APBB2: variants seen among roughly 807,000 people sequenced by gnomAD.
APBB2 encodes Fe65-like 1.
A neutral mutation model predicts 82.5 loss-of-function variants in APBB2; 38 were observed. The ratio of observed to expected loss-of-function variants is 0.46; its 90% CI spans 0.36 to 0.60. APBB2 has a LOEUF of 0.60. Among genes scored for constraint, APBB2 ranks in the 20% least tolerant of loss-of-function variants. The probability of loss-of-function intolerance (pLI) is 0.00; values close to 1 mark genes in which losing one functional copy is unlikely to be tolerated. For synonymous variants in APBB2, 341 were observed against 368.2 expected, an observed-to-expected ratio of 0.93 and a Z score of 0.85; for missense variants, 772 against 972.3, an observed-to-expected ratio of 0.79 and a Z score of 2.74.
intron 4 of APBB2, among the ~76,000 whole-genome samples, chr4:41,040,957 T>G (rs1343568234): frequency 6.6e-6 from 1 of 152,200 alleles, no homozygotes; most frequent in African/African-American, 2.4e-5. Flanking sequence ...CTCGGCTCAC[T>G]GCAAGCTCCG....
intron 6 of APBB2, among the ~76,000 whole-genome samples, chr4:40,998,101 A>C (rs1804153071): frequency 1.3e-5 from 2 of 152,236 alleles, no homozygotes; most frequent in Non-Finnish European, 2.9e-5. Flanking sequence ...AACTGACACT[A>C]TTTGTTGGCA....
chr4:41,041,975 T>C (rs1229949386), intron 4 of APBB2, among the ~76,000 whole-genome samples: 6 of 152,130 alleles, frequency 3.9e-5, no homozygotes, highest in Non-Finnish European at 8.8e-5. Context: ...CCCACAAATA[T>C]ACCTGATCTC....
Position 40,979,133 on chromosome 4 carries a change from G to A in APBB2, c.836-34060C>T, listed in dbSNP as rs114305645. 4.9e-3 allele frequency among the ~76,000 whole-genome samples: 742 copies of A among 152,270 alleles called. 3 individuals are homozygous for A. The highest frequency in any genetic ancestry group is 0.01 in the Middle Eastern group (3 of 294). ...TAACACTCTCTAGTTTAAGAATCTG[G>A]AAGGAAGGCTATATACTTTTTTCTG... On this transcript the variant is annotated intron_variant, in intron 6 of 17. Coordinates refer to ENST00000508593, the MANE Select transcript of APBB2 (RefSeq NM_004307.2).
chr4:40,932,312 A>G (rs1451056625), intron 10 of APBB2, among the ~76,000 whole-genome samples: 1 of 152,248 alleles, frequency 6.6e-6, no homozygotes, highest in African/African-American at 2.4e-5. Flanking sequence ...TTATCTTTAA[A>G]GACCAGCAAT....
At chr4:41,014,545 T>G (rs1206627669) in intron 5 of APBB2, 147 bp from the exon 6 acceptor site, 1 of 794,522 alleles carries the variant, frequency 1.3e-6, no homozygotes, top group African/African-American at 1.7e-5. Flanking sequence ...TTCCTCTTTA[T>G]TTCACCATTT....
At position 41,033,990 on chromosome 4, in the gene APBB2, A is replaced by T. The variant is rs189699064; in HGVS notation, c.-50-686T>A. On this transcript the variant is annotated intron_variant, in intron 4 of 17. Coordinates refer to ENST00000508593, the MANE Select transcript of APBB2 (RefSeq NM_004307.2). Reference sequence around the variant, plus strand: ...TGGAAAGATTAATAAGCCAGATAATACCACAATCTAAGGACAGGACACTGG... The same window carrying T: ...TGGAAAGATTAATAAGCCAGATAATTCCACAATCTAAGGACAGGACACTGG... 5.3e-5 allele frequency among the ~76,000 whole-genome samples: 8 copies of T among 152,356 alleles called. No homozygotes were observed. In the East Asian group the frequency reaches 1.5e-3, roughly 29 times the overall value.
chr4:41,049,875 AG>A (rs1160238873), intron 4 of APBB2, among the ~76,000 whole-genome samples: 2 of 152,148 alleles, frequency 1.3e-5, no homozygotes, highest in Admixed American at 1.3e-4. Context: ...AAATGGATTA[AG>A]GGTGGTGCAA....
chr4:41,050,155 T>C (rs74845123), intron 4 of APBB2, among the ~76,000 whole-genome samples: 1,710 of 152,248 alleles, frequency 0.011, 25 homozygotes, highest in African/African-American at 0.039. Context: ...TTACCTCACA[T>C]GGTTACTATG....
At chr4:40,957,880 G>A (rs761214534) in intron 6 of APBB2, among the ~76,000 whole-genome samples, 6 of 152,056 alleles carry the variant, frequency 3.9e-5, no homozygotes, top group Admixed American at 1.3e-4. Context: ...CACCACACCC[G>A]GCCTCCACCT....
chr4:41,081,724 A>G (rs1012636380), intron 3 of APBB2, among the ~76,000 whole-genome samples: 5 of 152,240 alleles, frequency 3.3e-5, no homozygotes, highest in African/African-American at 1.2e-4. Context: ...AACTTTTACT[A>G]TAAAAATCTC....
At chr4:41,111,377 TG>T (rs1749147825) in intron 2 of APBB2, among the ~76,000 whole-genome samples, 2 of 152,246 alleles carry the variant, frequency 1.3e-5, no homozygotes, top group Non-Finnish European at 2.9e-5. Flanking sequence ...ATGTCTGTGG[TG>T]GAGCCCAAGA....
In APBB2 at chr4:40,879,256, AG is replaced by A. The variant is rs565063265; in HGVS notation, c.1529+11107del. Reference sequence around the variant, plus strand: ...CAGCCTCACATGGACTCACAGAAGCAGGAACTCTTGGCTCCCAAGTGAACAA... The same window carrying A: ...CAGCCTCACATGGACTCACAGAAGCAGAACTCTTGGCTCCCAAGTGAACAA... On this transcript the variant is annotated intron_variant, in intron 12 of 17. Transcript: ENST00000508593. Among the ~76,000 whole-genome samples the A allele has an allele frequency of 2.3e-4, 35 of 150,946 alleles. No homozygotes were observed. The South Asian group carries it at 6.3e-3, about 27-fold the overall frequency.
chr4:40,901,103 A>G (rs1263156428), intron 10 of APBB2, among the ~76,000 whole-genome samples: 1 of 152,152 alleles, frequency 6.6e-6, no homozygotes, highest in Non-Finnish European at 1.5e-5. Flanking sequence ...CTCTGGGATG[A>G]AATCTCAGGT....
At chr4:40,960,961 T>TA (rs35061671) in intron 6 of APBB2, among the ~76,000 whole-genome samples, 44,683 of 141,362 alleles carry the variant, frequency 0.32, 7,026 homozygotes, top group African/African-American at 0.4. Context: ...AGCCCTCCTT[T>TA]AAAAAAAAAA....
intron 3 of APBB2, among the ~76,000 whole-genome samples, chr4:41,091,276 A>T (rs1741591532): frequency 6.6e-6 from 1 of 152,196 alleles, no homozygotes; most frequent in African/African-American, 2.4e-5. Flanking sequence ...TGTTTGCAAG[A>T]CTTTGTTTAA....
At chr4:41,122,424 A>C (rs749009084) in intron 2 of APBB2, among the ~76,000 whole-genome samples, 6 of 152,104 alleles carry the variant, frequency 3.9e-5, no homozygotes, top group Non-Finnish European at 8.8e-5. Context: ...ATTCTAAACA[A>C]CACTAGCAGA....
At chr4:40,892,378 A>G (rs1772308439) in intron 11 of APBB2, 2 of 152,230 alleles carry the variant, frequency 1.3e-5, no homozygotes, top group African/African-American at 2.4e-5. Context: ...CCTAGAATCT[A>G]AAAGTCAGCT....
intron 5 of APBB2, among the ~76,000 whole-genome samples, chr4:41,025,071 G>A (rs913800280): frequency 6.6e-6 from 1 of 152,134 alleles, no homozygotes; most frequent in Non-Finnish European, 1.5e-5. Context: ...CCCAGTTTTT[G>A]GATGTTAATC....
chr4:41,110,603 CAA>C (rs33958550), intron 2 of APBB2, among the ~76,000 whole-genome samples: 18,041 of 111,554 alleles, frequency 0.16, 1,133 homozygotes, highest in Non-Finnish European at 0.2. Context: ...GACTCTGTCT[CAA>C]AAAAAAAAAA....
Sources: gnomAD v4.1 joint callset for allele counts (sites outside exome capture counted in the v4.1 genomes callset) on GRCh38, gnomAD v4.1.1 for gene constraint, MANE v1.5 for transcripts, NCBI Gene and HGNC (gene_info 2026-07-23, HGNC 2026-07-21) for gene names.